FA2H: variants seen among roughly 807,000 people sequenced by gnomAD.
FA2H encodes fatty acid alpha-hydroxylase.
A neutral mutation model predicts 44.9 loss-of-function variants in FA2H; 22 were observed. The ratio of observed to expected loss-of-function variants is 0.49; its 90% confidence interval spans 0.35 to 0.70. FA2H has a LOEUF of 0.70. FA2H is among the 30% of genes least tolerant of loss of function. The pLI, the probability that FA2H is intolerant of heterozygous loss-of-function variation, is 0.01. For missense variants in FA2H, 501 were observed against 504.9 expected, an observed-to-expected ratio of 0.99 and a Z score of 0.07; for synonymous variants, 243 against 213.2, an observed-to-expected ratio of 1.14 and a Z score of -1.22.
intron 1 of FA2H, among the ~76,000 whole-genome samples, chr16:74,741,808 A>ATATATATATATATATGTGTGTGTGTGTG (rs1491185782): frequency 1.2e-4 from 6 of 48,412 alleles, no homozygotes; most frequent in African/African-American, 5.4e-4. Flanking sequence ...ATATATATAT[A>ATATATATATATATATGTGTGTGTGTGTG]TGTGTGTGTG....
intron 1 of FA2H, among the ~76,000 whole-genome samples, chr16:74,740,833 G>A (rs1179412991): frequency 3.3e-5 from 5 of 152,030 alleles, no homozygotes; most frequent in Admixed American, 2.6e-4. Flanking sequence ...GGAGTCCCAG[G>A]GTAGCGCCCA....
At chr16:74,745,595 G>A (rs896689693) in intron 1 of FA2H, among the ~76,000 whole-genome samples, 7 of 152,162 alleles carry the variant, frequency 4.6e-5, no homozygotes, top group Admixed American at 2.0e-4. Flanking sequence ...TGGACGTGCC[G>A]GGCAATGGAG....
intron 2 of FA2H, among the ~76,000 whole-genome samples, chr16:74,730,793 G>A (rs1962056911): frequency 1.3e-5 from 2 of 152,190 alleles, no homozygotes; most frequent in African/African-American, 4.8e-5. Context: ...ACCTGACACA[G>A]GTTCAGTCAC....
intron 1 of FA2H, among the ~76,000 whole-genome samples, chr16:74,772,913 ACT>A (rs1488961814): frequency 2.0e-5 from 3 of 151,162 alleles, no homozygotes; most frequent in Non-Finnish European, 4.4e-5. Context: ...GTGAGCTCTC[ACT>A]CTGTTGCTCA....
At chr16:74,756,793 G>A (rs1962620013) in intron 1 of FA2H, among the ~76,000 whole-genome samples, 2 of 152,190 alleles carry the variant, frequency 1.3e-5, no homozygotes, top group South Asian at 4.1e-4. Flanking sequence ...AAACTGGTTA[G>A]TAATTTGGAA....
Position 74,714,318 on chromosome 16 carries a change from C to T in FA2H, c.1040-49G>A, listed in dbSNP as rs199524292. Reference sequence around the variant, plus strand: ...GAAGATGAGGCATTGAAGGAGCAGGCGTGCGCTGGCTTGGGAAGGGTGCCA... The same window carrying T: ...GAAGATGAGGCATTGAAGGAGCAGGTGTGCGCTGGCTTGGGAAGGGTGCCA... On this transcript the variant is annotated intron_variant, in intron 6 of 6. Coordinates refer to ENST00000219368, the MANE Select transcript of FA2H (RefSeq NM_024306.5). 9.4e-5 allele frequency: 116 copies of T among 1,230,198 alleles called. No individual in the cohort carries two copies. In the East Asian group the frequency reaches 2.4e-3, roughly 25 times the overall value. The allele number at this position is 1,230,198 out of a possible 1,614,324, so 76.2% of individuals were successfully genotyped here.
At chr16:74,753,658 G>T (rs1269393748) in intron 1 of FA2H, among the ~76,000 whole-genome samples, 2 of 152,122 alleles carry the variant, frequency 1.3e-5, no homozygotes, top group Non-Finnish European at 2.9e-5. Context: ...GGGTGACAGA[G>T]CGAGACTCCA....
intron 1 of FA2H, among the ~76,000 whole-genome samples, chr16:74,759,553 T>C (rs902931643): frequency 6.6e-6 from 1 of 152,244 alleles, no homozygotes; most frequent in Non-Finnish European, 1.5e-5. Flanking sequence ...GTCACCCACA[T>C]GTACTTCCTT....
At chr16:74,762,376 A>G (rs896520626) in intron 1 of FA2H, among the ~76,000 whole-genome samples, 6 of 152,084 alleles carry the variant, frequency 3.9e-5, no homozygotes, top group Non-Finnish European at 7.4e-5. Context: ...ACACATGTGC[A>G]CAAAACCAAC....
intron 2 of FA2H, among the ~76,000 whole-genome samples, chr16:74,736,935 A>T (rs2144629887): frequency 6.6e-6 from 1 of 152,286 alleles, no homozygotes; most frequent in South Asian, 2.1e-4. Flanking sequence ...TTATCAGTTA[A>T]ATCAGGATAA....
At chr16:74,752,966 C>T (rs1962554832) in intron 1 of FA2H, among the ~76,000 whole-genome samples, 2 of 152,170 alleles carry the variant, frequency 1.3e-5, no homozygotes, top group Non-Finnish European at 2.9e-5. Flanking sequence ...ACAGTCCTGC[C>T]CAGGAGGGTC....
chr16:74,758,558 T>C (rs1403059900), intron 1 of FA2H, among the ~76,000 whole-genome samples: 1 of 152,016 alleles, frequency 6.6e-6, no homozygotes, highest in Non-Finnish European at 1.5e-5. Flanking sequence ...AACAGAATAC[T>C]GCAGAATGTG....
rs1302154178 is a variant in FA2H, at chr16:74,734,008, A to C, written c.363+6015T>G. The stretch of plus-strand genomic sequence containing the variant: ...ACCTGGGCACCACGCCCTTCCACCC[A>C]CCCTCTTCTACCTGACCGAAGACCC... On this transcript the variant is annotated intron_variant, in intron 2 of 6. Transcript: ENST00000219368. Among the ~76,000 whole-genome samples, 5 of 151,618 alleles carry C rather than the reference A, an allele frequency of 3.3e-5. No homozygotes were observed. The East Asian group carries it at 9.7e-4, about 29-fold the overall frequency.
chr16:74,733,569 G>T (rs1185800393), intron 2 of FA2H, among the ~76,000 whole-genome samples: 1 of 152,166 alleles, frequency 6.6e-6, no homozygotes, highest in Admixed American at 6.5e-5. Flanking sequence ...TCATCTTCCA[G>T]TCGTGAGCAC....
chr16:74,766,295 G>C (rs987936874), intron 1 of FA2H, among the ~76,000 whole-genome samples: 2 of 150,550 alleles, frequency 1.3e-5, no homozygotes, highest in Non-Finnish European at 1.5e-5. Context: ...AACACAGCAA[G>C]ACTCTGTCTC....
chr16:74,771,996 G>A (rs886133365), intron 1 of FA2H, among the ~76,000 whole-genome samples: 4 of 150,400 alleles, frequency 2.7e-5, no homozygotes, highest in African/African-American at 9.8e-5. Context: ...TATTGCCCAG[G>A]CTGAAGTGCA....
At chr16:74,771,572 G>C (rs1489673085) in intron 1 of FA2H, among the ~76,000 whole-genome samples, 1 of 151,886 alleles carries the variant, frequency 6.6e-6, no homozygotes, top group African/African-American at 2.4e-5. Context: ...CTGACCTCAA[G>C]TGATCCACCC....
chr16:74,746,723 TGAGCAGAGACAGAC>T (rs1448169914), intron 1 of FA2H, among the ~76,000 whole-genome samples: 3 of 151,976 alleles, frequency 2.0e-5, no homozygotes, highest in Non-Finnish European at 2.9e-5. Flanking sequence ...CTGAGAAGGA[TGAGCAGAGACAGAC>T]GAGAGCAGGG....
At chr16:74,729,430 C>A (rs556470061) in intron 2 of FA2H, among the ~76,000 whole-genome samples, 19 of 152,340 alleles carry the variant, frequency 1.2e-4, no homozygotes, top group Non-Finnish European at 1.9e-4. Context: ...GAGCGTGCCA[C>A]TACGCAGGCT....
Sources: gnomAD v4.1 joint callset for allele counts (sites outside exome capture counted in the v4.1 genomes callset) on GRCh38, gnomAD v4.1.1 for gene constraint, MANE v1.5 for transcripts, NCBI Gene and HGNC (gene_info 2026-07-23, HGNC 2026-07-21) for gene names.